The following ARFGEF1 variants were observed in gnomAD, a reference collection of about 807,000 sequenced individuals.
The protein encoded by ARFGEF1 is brefeldin A-inhibited guanine nucleotide-exchange protein 1.
Under a neutral mutation model 231.0 loss-of-function variants are expected in ARFGEF1, and 42 were observed. The ratio of observed to expected loss-of-function variants is 0.18; its 90% CI spans 0.14 to 0.24. The LOEUF (loss-of-function observed/expected upper bound fraction) is 0.24. Among genes scored for constraint, ARFGEF1 ranks in the 10% least tolerant of loss-of-function variants. The pLI, the probability that ARFGEF1 is intolerant of heterozygous loss-of-function variation, is 1.00. For synonymous variants in ARFGEF1, 710 were observed against 732.3 expected, an observed-to-expected ratio of 0.97 and a Z score of 0.49; for missense variants, 1,345 against 2,192.0, an observed-to-expected ratio of 0.61 and a Z score of 7.72.
At chr8:67,244,191 C>T (rs1297996942) in intron 19 of ARFGEF1, among the ~76,000 whole-genome samples, 8 of 132,886 alleles carry the variant, frequency 6.0e-5, no homozygotes, top group Admixed American at 3.4e-4. Context: ...TGCAATGAGC[C>T]GGGATCATGC....
chr8:67,176,250 T>C (rs1831597006), intron 5 of ARFGEF1, among the ~76,000 whole-genome samples: 1 of 152,068 alleles, frequency 6.6e-6, no homozygotes, highest in Non-Finnish European at 1.5e-5. Context: ...AACCCAACAA[T>C]CAGATAACAA....
At chr8:67,194,688 A>T (rs960733880), downstream of ARFGEF1, among the ~76,000 whole-genome samples, 12 of 137,114 alleles carry the variant, frequency 8.8e-5, no homozygotes, top group African/African-American at 3.2e-4. Context: ...CAGGAGAATT[A>T]AAAAAAAAAA....
At chr8:67,251,521 C>A in intron 18 of ARFGEF1, 71 bp from the exon 19 acceptor site, 4 of 1,364,384 alleles carry the variant, frequency 2.9e-6, no homozygotes, top group Non-Finnish European at 2.9e-6. Flanking sequence ...ATTTTACTAT[C>A]AAATAATAAA....
intron 34 of ARFGEF1, among the ~76,000 whole-genome samples, chr8:67,206,243 C>G (rs953184610): frequency 6.6e-6 from 1 of 151,900 alleles, no homozygotes; most frequent in African/African-American, 2.4e-5. Flanking sequence ...AACCCCATCT[C>G]TACTAAAAAT....
At chr8:67,225,592 T>C (rs1289095572) in intron 28 of ARFGEF1, among the ~76,000 whole-genome samples, 1 of 152,172 alleles carries the variant, frequency 6.6e-6, no homozygotes, top group Non-Finnish European at 1.5e-5. Flanking sequence ...TTCTCATCCA[T>C]AGTCAGTCAG....
At chr8:67,269,369 T>TTTA in intron 10 of ARFGEF1, among the ~76,000 whole-genome samples, 1 of 147,000 alleles carries the variant, frequency 6.8e-6, no homozygotes, top group Non-Finnish European at 1.5e-5. Context: ...TTTTTTTTTT[T>TTTA]GAGATGGAGT....
Position 67,211,530 on chromosome 8 carries a change from G to C in ARFGEF1, c.4772C>G (p.Ser1591Cys). Residue 1591 changes from serine to cysteine, a missense_variant, in exon 34 of 39, where the codon TCT becomes TGT. Coordinates refer to ENST00000262215, the MANE Select transcript of ARFGEF1 (RefSeq NM_006421.5). ...GACTTCTTCATTAACAGCAGACGCA[G>C]AAACCAGTGGTGCTTGTGGTCTGTT... ...VDNRPQAPLV[S>C]ASAVNEEVSK... The C allele has an allele frequency of 1.9e-6, 3 of 1,594,864 alleles. No individual in the cohort carries two copies. The highest frequency in any genetic ancestry group is 2.6e-6 in the Non-Finnish European group (3 of 1,172,328).
At chr8:67,259,507 T>C (rs1422861774) in intron 15 of ARFGEF1, among the ~76,000 whole-genome samples, 2 of 152,006 alleles carry the variant, frequency 1.3e-5, no homozygotes, top group African/African-American at 4.8e-5. Flanking sequence ...GAATTACACA[T>C]GTGAGCCACT....
At chr8:67,323,266 C>CAAA (rs1040810476) in intron 1 of ARFGEF1, among the ~76,000 whole-genome samples, 1 of 151,898 alleles carries the variant, frequency 6.6e-6, no homozygotes, top group African/African-American at 2.4e-5. Context: ...ACAACAACAA[C>CAAA]AAAAAAGCAA....
At chr8:67,288,910 A>G (rs76653732) in intron 6 of ARFGEF1, among the ~76,000 whole-genome samples, 1,865 of 152,122 alleles carry the variant, frequency 0.012, 42 homozygotes, top group African/African-American at 0.043. Flanking sequence ...TAAATTTAAG[A>G]AGCTAAAAAA....
At chr8:67,339,457 A>G (rs1293765008) in intron 1 of ARFGEF1, among the ~76,000 whole-genome samples, 1 of 152,052 alleles carries the variant, frequency 6.6e-6, no homozygotes, top group Admixed American at 6.6e-5. Context: ...ACCCTAACAT[A>G]AAAGAAACTC....
At chr8:67,310,786 GC>G (rs1489762088) in intron 1 of ARFGEF1, among the ~76,000 whole-genome samples, 1 of 149,366 alleles carries the variant, frequency 6.7e-6, no homozygotes, top group Non-Finnish European at 1.5e-5. Context: ...CTGCCCGGCT[GC>G]CCCATCTGAG....
chr8:67,221,805 GCTTTTTTTTTTCTTT>G (rs1013479797), intron 29 of ARFGEF1, among the ~76,000 whole-genome samples: 9 of 149,416 alleles, frequency 6.0e-5, no homozygotes, highest in Admixed American at 2.0e-4. Context: ...TTTTGTTGTT[GCTTTTTTTTTTCTTT>G]CTTTTTTTTT....
intron 34 of ARFGEF1, among the ~76,000 whole-genome samples, chr8:67,208,883 C>T (rs2129577651): frequency 6.6e-6 from 1 of 152,240 alleles, no homozygotes; most frequent in South Asian, 2.1e-4. Context: ...AAGTGCCAGT[C>T]AAAACCACAA....
intron 1 of ARFGEF1, among the ~76,000 whole-genome samples, chr8:67,304,126 G>T (rs1806629886): frequency 6.6e-6 from 1 of 152,110 alleles, no homozygotes. Flanking sequence ...ACAACTACTG[G>T]CCTATACATT....
At chr8:67,221,739 C>T (rs189268830) in intron 29 of ARFGEF1, among the ~76,000 whole-genome samples, 153 of 152,170 alleles carry the variant, frequency 1.0e-3, no homozygotes, top group African/African-American at 3.4e-3. Context: ...CACTGAGTCA[C>T]CCAGAACAAT....
At position 67,288,943 on chromosome 8, in the gene ARFGEF1, TAAAAAACAA is replaced by T. The variant is rs536580692; in HGVS notation, c.917-887_917-879del. Among the ~76,000 whole-genome samples, 1,197 of 147,094 alleles carry T rather than the reference TAAAAAACAA, an allele frequency of 8.1e-3. 10 individuals are homozygous for T. Among genetic ancestry groups the T allele is most frequent in the African/African-American group, 0.029 (1,139 of 39,840 alleles). ...AAAGAATTCATTGTCCAATTTAATG[TAAAAAACAA>T]AAAAAACAAAAAAAAAACAAAATCA... On this transcript the variant is annotated intron_variant, in intron 6 of 38. Transcript: ENST00000262215.
At chr8:67,236,665 G>C (rs1563856008) in intron 22 of ARFGEF1, among the ~76,000 whole-genome samples, 1 of 152,030 alleles carries the variant, frequency 6.6e-6, no homozygotes, top group African/African-American at 2.4e-5. Context: ...ATGGAGCATG[G>C]AGTCAGGACT....
chr8:67,180,885 G>A (rs1832845757), intron 5 of ARFGEF1, among the ~76,000 whole-genome samples: 1 of 151,768 alleles, frequency 6.6e-6, no homozygotes, highest in Non-Finnish European at 1.5e-5. Context: ...ATACACTTAC[G>A]ATTATGTACT....
Sources: allele counts gnomAD v4.1 joint callset (sites outside exome capture counted in the v4.1 genomes callset), GRCh38; gene constraint gnomAD v4.1.1; transcripts MANE v1.5; gene names NCBI Gene and HGNC (gene_info 2026-07-23, HGNC 2026-07-21).